The following SH3PXD2B variants were observed in gnomAD, a reference collection of about 807,000 sequenced individuals.
SH3PXD2B encodes the protein SH3 and PX domains 2B.
Under a neutral mutation model 73.1 loss-of-function variants are expected in SH3PXD2B, and 37 were observed. The observed-to-expected ratio is 0.51, with a 90% CI of 0.39 to 0.67. The LOEUF (loss-of-function observed/expected upper bound fraction) is 0.67, where lower values mean the gene tolerates loss of function less well. Ranked by LOEUF, SH3PXD2B falls within the 30% of genes least tolerant of loss-of-function variation. The pLI is 0.00. For synonymous variants in SH3PXD2B, 457 were observed against 480.5 expected, an observed-to-expected ratio of 0.95 and a Z score of 0.64; for missense variants, 1,053 against 1,197.8, an observed-to-expected ratio of 0.88 and a Z score of 1.78.
Position 172,383,493 on chromosome 5 carries a change from A to G in SH3PXD2B, c.310-1366T>C, listed in dbSNP as rs533916064. ...CTGCTCGTTGAAGGATCCGAAACTC[A>G]GACATGGCCATCATGAATAAACAGC... On this transcript the variant is annotated intron_variant, in intron 4 of 12. Coordinates refer to ENST00000311601, the MANE Select transcript of SH3PXD2B (RefSeq NM_001017995.3). Among the ~76,000 whole-genome samples, 4 of 152,380 alleles carry G rather than the reference A, an allele frequency of 2.6e-5. No homozygotes were observed. The East Asian group carries it at 7.7e-4, about 29-fold the overall frequency.
Position 172,338,595 on chromosome 5 carries a change from T to C in SH3PXD2B, c.2510A>G (p.Glu837Gly). The change falls in exon 13 of 13, where the codon GAG becomes GGG. Residue 837 changes from glutamate (E) to glycine (G), a missense_variant. By Grantham distance (98) the Glu-to-Gly change is moderately conservative. Coordinates refer to ENST00000311601, the MANE Select transcript of SH3PXD2B (RefSeq NM_001017995.3). The surrounding 1 kb of genome is among the most constrained non-coding windows in gnomAD (Gnocchi z 5.1). ...WGTGKIGENR[E>G]KAAAASVPNA... ...GGGGACAGAGGCTGCAGCTGCTTTC[T>C]CCCTGTTTTCTCCAATCTTGCCGGT... 6.2e-7 allele frequency: 1 copy of C among 1,614,142 alleles called. No individual in the cohort carries two copies. The highest frequency in any genetic ancestry group is 8.5e-7 in the Non-Finnish European group (1 of 1,179,990).
At chr5:172,420,416 T>C (rs1473610058) in intron 2 of SH3PXD2B, among the ~76,000 whole-genome samples, 1 of 152,140 alleles carries the variant, frequency 6.6e-6, no homozygotes, top group Non-Finnish European at 1.5e-5. Context: ...TAGGAACACA[T>C]TATTTCCCCT....
At chr5:172,360,853 A>T (rs1317295256) in intron 7 of SH3PXD2B, among the ~76,000 whole-genome samples, 2 of 152,180 alleles carry the variant, frequency 1.3e-5, no homozygotes, top group Non-Finnish European at 2.9e-5. Context: ...AATAAGTAAA[A>T]AAAGATATGT....
rs533427075 is a variant in SH3PXD2B, at chr5:172,336,859, G to A, written c.*1510C>T. 7.1e-6 allele frequency: 7 copies of A among 985,422 alleles called. No homozygotes were observed. In the South Asian group the frequency reaches 2.3e-4, roughly 33 times the overall value. The allele number at this position is 985,422 out of a possible 1,614,324, so 61.0% of individuals were successfully genotyped here. ...CTCTCCAGACCTCAGTTTGACAGAT[G>A]ACCACATCTGCCCTGGGTTTCTTCA... On this transcript the variant is annotated 3_prime_UTR_variant, in exon 13 of 13. Coordinates refer to ENST00000311601, the MANE Select transcript of SH3PXD2B (RefSeq NM_001017995.3).
At chr5:172,356,097 C>G (rs57718423) in intron 8 of SH3PXD2B, among the ~76,000 whole-genome samples, 15,880 of 151,966 alleles carry the variant, frequency 0.1, 1,118 homozygotes, top group South Asian at 0.22. Flanking sequence ...GCAACTCCCG[C>G]CCACCGTGAC....
intron 3 of SH3PXD2B, among the ~76,000 whole-genome samples, chr5:172,401,306 T>C (rs1177055576): frequency 2.0e-5 from 3 of 152,338 alleles, no homozygotes; most frequent in Non-Finnish European, 4.4e-5. Flanking sequence ...GGGAAGATAA[T>C]TTATCATTGG....
downstream of SH3PXD2B, among the ~76,000 whole-genome samples, chr5:172,328,834 C>G (rs1756493609): frequency 6.6e-6 from 1 of 152,004 alleles, no homozygotes; most frequent in African/African-American, 2.4e-5. Context: ...ATATCAGTCA[C>G]TCTTTCCCAG....
intron 4 of SH3PXD2B, among the ~76,000 whole-genome samples, chr5:172,387,169 A>C (rs1020293758): frequency 5.3e-5 from 8 of 152,238 alleles, no homozygotes; most frequent in Admixed American, 2.0e-4. Context: ...ATAGTTTAAA[A>C]TACTACAGCA....
At position 172,335,204 on chromosome 5, in the gene SH3PXD2B, AGTT is replaced by A; in HGVS notation, c.*3162_*3164del. 1 of 1,011,012 alleles carries A rather than the reference AGTT, an allele frequency of 9.9e-7. No individual in the cohort carries two copies. The highest frequency in any genetic ancestry group is 4.7e-5 in the South Asian group (1 of 21,500). 62.6% of individuals were successfully genotyped at this position (1,011,012 alleles called of 1,614,324 possible). ...TTTGCCCTGGGATGTAAGGTAAAGT[AGTT>A]GTCACAATTGTGTTAATAAGCAGGG... is the stretch of plus-strand genomic sequence containing the variant. On this transcript the variant is annotated 3_prime_UTR_variant, in exon 13 of 13. Coordinates refer to ENST00000311601, the MANE Select transcript of SH3PXD2B (RefSeq NM_001017995.3).
At chr5:172,414,591 C>T (rs1203984263) in intron 2 of SH3PXD2B, among the ~76,000 whole-genome samples, 4 of 152,086 alleles carry the variant, frequency 2.6e-5, no homozygotes, top group Non-Finnish European at 1.5e-5. Context: ...GAGATGCAGC[C>T]TCCACCTGTG....
chr5:172,348,654 C>CTTAT (rs1440672001), intron 10 of SH3PXD2B, among the ~76,000 whole-genome samples: 628 of 60,412 alleles, frequency 0.01, 9 homozygotes, highest in Middle Eastern at 0.052. Flanking sequence ...ATCTATCTAT[C>CTTAT]CTATCTATCT....
chr5:172,368,640 T>TTATATATAACATATATATATTA (rs1757617433), intron 6 of SH3PXD2B, among the ~76,000 whole-genome samples: 1 of 15,918 alleles, frequency 6.3e-5, no homozygotes, highest in Non-Finnish European at 8.5e-5. Context: ...AATATATATG[T>TTATATATAACATATATATATTA]TATATATATA....
chr5:172,351,221 C>T (rs1290767106), intron 9 of SH3PXD2B, among the ~76,000 whole-genome samples: 4 of 152,196 alleles, frequency 2.6e-5, no homozygotes, highest in Non-Finnish European at 5.9e-5. Flanking sequence ...CCTTGAACTC[C>T]TGGGCTCAAG....
chr5:172,418,166 G>A (rs1221925843), intron 2 of SH3PXD2B, among the ~76,000 whole-genome samples: 1 of 152,168 alleles, frequency 6.6e-6, no homozygotes, highest in African/African-American at 2.4e-5. Flanking sequence ...GACTTCGGGC[G>A]AACCACTTAA....
chr5:172,357,241 T>A (rs985051858), intron 8 of SH3PXD2B, among the ~76,000 whole-genome samples: 10 of 150,866 alleles, frequency 6.6e-5, no homozygotes, highest in African/African-American at 2.4e-4. Context: ...CTGGCCAACA[T>A]GGCGAAACCC....
At chr5:172,340,892 G>A (rs548307057) in intron 12 of SH3PXD2B, among the ~76,000 whole-genome samples, 1 of 152,292 alleles carries the variant, frequency 6.6e-6, no homozygotes, top group Non-Finnish European at 1.5e-5. Flanking sequence ...ACTGTGCCTG[G>A]CCTGAAAAAT....
intron 10 of SH3PXD2B, among the ~76,000 whole-genome samples, chr5:172,348,626 GTATCTATCTATGTATC>G (rs1374722610): frequency 1.5e-4 from 14 of 92,554 alleles, no homozygotes; most frequent in Non-Finnish European, 2.5e-4. Flanking sequence ...ATCTATCTAT[GTATCTATCTATGTATC>G]TATCTATCTA....
intron 1 of SH3PXD2B, among the ~76,000 whole-genome samples, chr5:172,422,980 T>C (rs1350949449): frequency 6.6e-6 from 1 of 152,170 alleles, no homozygotes; most frequent in African/African-American, 2.4e-5. Context: ...AGTCCCAGTT[T>C]CTCCTGTGAA....
intron 5 of SH3PXD2B, among the ~76,000 whole-genome samples, chr5:172,379,852 G>A (rs921333928): frequency 6.6e-6 from 1 of 152,184 alleles, no homozygotes; most frequent in African/African-American, 2.4e-5. Context: ...TCGAACCTGG[G>A]TGTACTAGAT....
Sources: allele counts gnomAD v4.1 joint callset (sites outside exome capture counted in the v4.1 genomes callset), GRCh38; gene constraint gnomAD v4.1.1; non-coding constraint Gnocchi (gnomAD v3.1); transcripts MANE v1.5; gene names NCBI Gene and HGNC (gene_info 2026-07-23, HGNC 2026-07-21).